RPS6KA2: variants seen among roughly 807,000 people sequenced by gnomAD.
RPS6KA2 encodes the protein ribosomal protein S6 kinase alpha-2.
Under a neutral mutation model 91.8 loss-of-function variants are expected in RPS6KA2, and 42 were observed. The ratio of observed to expected loss-of-function variants is 0.46; its 90% CI spans 0.36 to 0.59. The LOEUF (loss-of-function observed/expected upper bound fraction) is 0.59. Ranked by LOEUF, RPS6KA2 falls within the 20% of genes least tolerant of loss-of-function variation. The probability of loss-of-function intolerance (pLI) is 0.00; values close to 1 mark genes in which losing one functional copy is unlikely to be tolerated. For missense variants in RPS6KA2, 798 were observed against 978.5 expected (o/e 0.82, Z 2.46); for synonymous variants, 414 against 393.6 (o/e 1.05, Z -0.61).
intron 2 of RPS6KA2, among the ~76,000 whole-genome samples, chr6:166,744,606 C>G (rs1790926513): frequency 6.6e-6 from 1 of 152,214 alleles, no homozygotes; most frequent in African/African-American, 2.4e-5. Context: ...GCAGGGCCCA[C>G]CCTGTGGGCC....
chr6:166,428,305 A>G (rs1321458262), intron 16 of RPS6KA2, among the ~76,000 whole-genome samples: 41 of 148,984 alleles, frequency 2.8e-4, no homozygotes, highest in Non-Finnish European at 5.6e-4. Context: ...AAATTAATTC[A>G]AGATGGATTA....
rs16899006 is a variant in RPS6KA2 at position 166,495,359 on chromosome 6, C to T, written c.747+3149G>A. On this transcript the variant is annotated intron_variant, in intron 8 of 20. Coordinates refer to ENST00000265678, the MANE Select transcript of RPS6KA2 (RefSeq NM_021135.6). This position sits in a 1 kb window ranked among gnomAD's most constrained non-coding sequence, Gnocchi z 4.4. The stretch of plus-strand genomic sequence containing the variant: ...CCCAGCTGTCACGAGACATTGAATG[C>T]GGGACGATCCCAGCAAACAAGTGAA... Among the ~76,000 whole-genome samples, 4,153 of 152,228 alleles carry T rather than the reference C, an allele frequency of 0.027. 204 individuals carry two copies. Among genetic ancestry groups the T allele is most frequent in the African/African-American group, 0.095 (3,933 of 41,506 alleles).
intron 1 of RPS6KA2, among the ~76,000 whole-genome samples, chr6:166,610,936 T>C (rs1562340065): frequency 1.3e-5 from 2 of 152,234 alleles, no homozygotes; most frequent in Non-Finnish European, 1.5e-5. Context: ...TATCTGCATA[T>C]TCTGGATTTT....
chr6:166,473,492 T>C (rs1266392829), intron 10 of RPS6KA2, among the ~76,000 whole-genome samples: 1 of 152,150 alleles, frequency 6.6e-6, no homozygotes, highest in Non-Finnish European at 1.5e-5. Flanking sequence ...GCACGGATGA[T>C]TTATTCTTTC....
chr6:166,531,176 G>C (rs946975757), intron 3 of RPS6KA2, 56 bp downstream of exon 3: 1 of 1,098,354 alleles, frequency 9.1e-7, no homozygotes, highest in African/African-American at 1.5e-5. Context: ...TCAAATAACG[G>C]AGTAGAAATT....
chr6:166,845,743 T>A (rs567281620), intron 2 of RPS6KA2, among the ~76,000 whole-genome samples: 1 of 151,888 alleles, frequency 6.6e-6, no homozygotes, highest in Admixed American at 6.5e-5. Context: ...TAGCATTAAA[T>A]ATCTACATCA....
intron 2 of RPS6KA2, among the ~76,000 whole-genome samples, chr6:166,814,028 G>T (rs2128621182): frequency 6.6e-6 from 1 of 152,206 alleles, no homozygotes; most frequent in Middle Eastern, 3.4e-3. Context: ...GATTATTATT[G>T]ATCAACCCCA....
intron 2 of RPS6KA2, among the ~76,000 whole-genome samples, chr6:166,697,828 G>A (rs534912953): frequency 2.0e-5 from 3 of 152,212 alleles, no homozygotes; most frequent in Admixed American, 1.3e-4. Flanking sequence ...ATGGATGGCC[G>A]TTCCCTCGAC....
intron 2 of RPS6KA2, among the ~76,000 whole-genome samples, chr6:166,641,409 CAG>C (rs1422533225): frequency 4.0e-5 from 6 of 151,828 alleles, no homozygotes; most frequent in African/African-American, 1.5e-4. Context: ...AAAATTGAAA[CAG>C]TAATAATTTA....
At chr6:166,416,607 C>G (rs535759414) in intron 19 of RPS6KA2, among the ~76,000 whole-genome samples, 2 of 151,862 alleles carry the variant, frequency 1.3e-5, no homozygotes, top group African/African-American at 4.8e-5. Context: ...TCTGCCACCA[C>G]TTCTGTCATC....
At chr6:166,744,697 A>G (rs1790931858) in intron 2 of RPS6KA2, among the ~76,000 whole-genome samples, 1 of 151,992 alleles carries the variant, frequency 6.6e-6, no homozygotes, top group Non-Finnish European at 1.5e-5. Flanking sequence ...GCCCCAGGAG[A>G]GGAGGAGATG....
chr6:166,703,047 A>G (rs1445541008), intron 2 of RPS6KA2, among the ~76,000 whole-genome samples: 1 of 152,216 alleles, frequency 6.6e-6, no homozygotes, highest in Non-Finnish European at 1.5e-5. Flanking sequence ...TAAAAGAGAA[A>G]GAAAAGAAAA....
At chr6:166,578,256 C>T (rs1302814459) in intron 1 of RPS6KA2, among the ~76,000 whole-genome samples, 1 of 152,244 alleles carries the variant, frequency 6.6e-6, no homozygotes, top group Non-Finnish European at 1.5e-5. Flanking sequence ...GCCGTAGACT[C>T]CTCCATCTGT....
At chr6:166,782,513 C>T (rs545352589) in intron 2 of RPS6KA2, among the ~76,000 whole-genome samples, 48 of 152,216 alleles carry the variant, frequency 3.2e-4, no homozygotes, top group Admixed American at 7.8e-4. Context: ...CTCTCAGGAC[C>T]GATCAGAAGC....
At chr6:166,583,235 C>T (rs1276984487) in intron 1 of RPS6KA2, among the ~76,000 whole-genome samples, 3 of 152,188 alleles carry the variant, frequency 2.0e-5, no homozygotes, top group African/African-American at 4.8e-5. Flanking sequence ...GTTTAGAAAG[C>T]ACACTGCCTC....
chr6:166,755,155 G>T (rs1323137590), intron 2 of RPS6KA2, among the ~76,000 whole-genome samples: 6 of 152,188 alleles, frequency 3.9e-5, no homozygotes, highest in African/African-American at 1.2e-4. Context: ...TTGGAGGTTT[G>T]CATCCACGCA....
chr6:166,704,237 T>C (rs1331429891), intron 2 of RPS6KA2, among the ~76,000 whole-genome samples: 1 of 152,246 alleles, frequency 6.6e-6, no homozygotes, highest in Non-Finnish European at 1.5e-5. Flanking sequence ...GTTGATAGCA[T>C]GCAGTATGTA....
intron 14 of RPS6KA2, among the ~76,000 whole-genome samples, chr6:166,438,064 A>T (rs1273582325): frequency 6.6e-6 from 1 of 152,220 alleles, no homozygotes; most frequent in Non-Finnish European, 1.5e-5. Flanking sequence ...TGCCGAAAGG[A>T]TCAGTATCGT....
In RPS6KA2 at chr6:166,844,310, C is replaced by T. The variant is rs540124012; in HGVS notation, c.123+13890G>A. ...CAAACCTAAGAATAATTGGTGTTCCCGAGAAAGAAGAGAAATCTAAAAGTC... is the reference window on the plus strand; with the variant it reads ...CAAACCTAAGAATAATTGGTGTTCCTGAGAAAGAAGAGAAATCTAAAAGTC... On this transcript the variant is annotated intron_variant, in intron 2 of 21. Transcript: ENST00000503859. Among the ~76,000 whole-genome samples the T allele has an allele frequency of 1.1e-4, 17 of 152,186 alleles. No homozygotes were observed. In the South Asian group the frequency reaches 1.9e-3, roughly 17 times the overall value.
Sources: gnomAD v4.1 joint callset for allele counts (sites outside exome capture counted in the v4.1 genomes callset) on GRCh38, gnomAD v4.1.1 for gene constraint, Gnocchi (gnomAD v3.1) non-coding constraint, MANE v1.5 for transcripts, NCBI Gene and HGNC (gene_info 2026-07-23, HGNC 2026-07-21) for gene names.